Variants in TTC29 observed in about 807,000 individuals in gnomAD.
The protein encoded by TTC29 is tetratricopeptide repeat protein 29.
Under a neutral mutation model 58.1 loss-of-function variants are expected in TTC29, and 49 were observed. That is an observed-to-expected ratio of 0.84 (90% CI 0.67 to 1.07). TTC29 has a LOEUF of 1.07. Among genes scored for constraint, TTC29 ranks in the 50% least tolerant of loss-of-function variants. TTC29 has a pLI of 0.00. For missense variants in TTC29, 582 were observed against 555.6 expected (o/e 1.05, Z -0.48); for synonymous variants, 209 against 196.8 (o/e 1.06, Z -0.52).
At chr4:146,912,136 C>A (rs1299271272) in intron 4 of TTC29, among the ~76,000 whole-genome samples, 1 of 152,106 alleles carries the variant, frequency 6.6e-6, no homozygotes. Flanking sequence ...ATCTCATAGC[C>A]TTTTTAAGAA....
intron 8 of TTC29, among the ~76,000 whole-genome samples, chr4:146,838,132 C>T (rs961212922): frequency 1.3e-5 from 2 of 151,774 alleles, no homozygotes; most frequent in African/African-American, 4.8e-5. Context: ...ATCTTCTTAC[C>T]AAAATGAAAT....
chr4:146,897,726 C>T (rs1195314093), intron 6 of TTC29, among the ~76,000 whole-genome samples: 2 of 152,250 alleles, frequency 1.3e-5, no homozygotes, highest in African/African-American at 4.8e-5. Flanking sequence ...AGCAATGCTG[C>T]TCCCAGTTGG....
At chr4:146,863,504 T>G (rs932488404) in intron 8 of TTC29, among the ~76,000 whole-genome samples, 1 of 152,210 alleles carries the variant, frequency 6.6e-6, no homozygotes, top group Non-Finnish European at 1.5e-5. Flanking sequence ...ATAGGATAGA[T>G]GCAAAATCTC....
intron 6 of TTC29, among the ~76,000 whole-genome samples, chr4:146,879,057 C>A (rs1731454939): frequency 6.6e-6 from 1 of 152,082 alleles, no homozygotes; most frequent in South Asian, 2.1e-4. Flanking sequence ...AAGCAGTTTT[C>A]CAGTCCTTCT....
chr4:146,757,083 AT>A (rs1329992892), intron 11 of TTC29, among the ~76,000 whole-genome samples: 1 of 151,916 alleles, frequency 6.6e-6, no homozygotes. Flanking sequence ...AACTGGTGCA[AT>A]TTTGGGGGGT....
intron 4 of TTC29, among the ~76,000 whole-genome samples, chr4:146,925,456 C>CAGATAG (rs1734867748): frequency 6.6e-6 from 1 of 151,878 alleles, no homozygotes; most frequent in Non-Finnish European, 1.5e-5. Flanking sequence ...TCATTTTTTT[C>CAGATAG]CATAGTAATA....
intron 11 of TTC29, among the ~76,000 whole-genome samples, chr4:146,773,949 A>G (rs1212549057): frequency 1.3e-5 from 2 of 151,778 alleles, no homozygotes; most frequent in East Asian, 1.9e-4. Context: ...CATTGATTCA[A>G]TTTCTTCCTG....
At chr4:146,900,640 T>C (rs1733080716) in intron 6 of TTC29, among the ~76,000 whole-genome samples, 1 of 152,194 alleles carries the variant, frequency 6.6e-6, no homozygotes, top group Admixed American at 6.5e-5. Flanking sequence ...GAGCAATGTA[T>C]AAATCCTCCA....
intron 10 of TTC29, among the ~76,000 whole-genome samples, 153 bp from the exon 11 acceptor site, chr4:146,803,838 A>G (rs1206386640): frequency 6.6e-6 from 1 of 152,190 alleles, no homozygotes; most frequent in Non-Finnish European, 1.5e-5. Flanking sequence ...GGCTATTAGG[A>G]TAAGTTTCTT....
intron 11 of TTC29, among the ~76,000 whole-genome samples, chr4:146,715,082 T>C (rs933176513): frequency 6.6e-6 from 1 of 152,022 alleles, no homozygotes; most frequent in Non-Finnish European, 1.5e-5. Flanking sequence ...AAGCAATCCT[T>C]CTGTCTTGGT....
chr4:146,801,757 A>C (rs941456866), intron 11 of TTC29, among the ~76,000 whole-genome samples: 1 of 152,000 alleles, frequency 6.6e-6, no homozygotes, highest in African/African-American at 2.4e-5. Context: ...TGGGTAGATC[A>C]TGCGATCAGG....
chr4:146,908,944 T>A, intron 5 of TTC29, 82 bp downstream of exon 5: 2 of 1,180,222 alleles, frequency 1.7e-6, no homozygotes, highest in Non-Finnish European at 2.5e-6. Flanking sequence ...TTCAAATTCA[T>A]ACATGAAACA....
rs1698363554 is a variant in TTC29 at position 146,734,495 on chromosome 4, A to G, written c.1331-26944T>C. Among the ~76,000 whole-genome samples the G allele has an allele frequency of 3.3e-5, 5 of 152,280 alleles. No individual in the cohort carries two copies. The South Asian group carries it at 1.0e-3, about 32-fold the overall frequency. ...ATTAACTAAACCTAAAGAGGGAGTC[A>G]GGGGAACCCCAACTTGAAACTGGTC... On this transcript the variant is annotated intron_variant, in intron 11 of 12. Transcript: ENST00000325106.
intron 9 of TTC29, chr4:146,831,903 C>T (rs1048387852): frequency 5.1e-6 from 1 of 196,328 alleles, no homozygotes; most frequent in African/African-American, 2.3e-5. Flanking sequence ...ATAAATTTTC[C>T]CCTTGAAGTT....
chr4:146,870,798 T>C (rs1309326132), intron 7 of TTC29, among the ~76,000 whole-genome samples: 1 of 151,752 alleles, frequency 6.6e-6, no homozygotes, highest in Non-Finnish European at 1.5e-5. Flanking sequence ...CAAGAAGAAA[T>C]AAAAACTCTG....
chr4:146,761,028 T>C (rs1356979857), intron 11 of TTC29, among the ~76,000 whole-genome samples: 1 of 151,708 alleles, frequency 6.6e-6, no homozygotes, highest in Non-Finnish European at 1.5e-5. Context: ...CTCACTGATA[T>C]GTGGGAGCTA....
At chr4:146,737,542 C>T (rs778476360) in intron 11 of TTC29, among the ~76,000 whole-genome samples, 13 of 133,020 alleles carry the variant, frequency 9.8e-5, no homozygotes, top group East Asian at 2.2e-4. Flanking sequence ...ATTATCTGGT[C>T]GGAAGGCCCT....
chr4:146,841,466 A>C (rs146256447), intron 8 of TTC29, among the ~76,000 whole-genome samples: 7 of 151,948 alleles, frequency 4.6e-5, no homozygotes, highest in Admixed American at 3.3e-4. Flanking sequence ...ACAAACAAGC[A>C]AAAAAAACAC....
chr4:146,715,125 A>C (rs1206530875), intron 11 of TTC29, among the ~76,000 whole-genome samples: 1 of 150,860 alleles, frequency 6.6e-6, no homozygotes, highest in East Asian at 1.9e-4. Flanking sequence ...GGCATGAGCT[A>C]ACATGCCTGG....
Sources: gnomAD v4.1 joint callset for allele counts (sites outside exome capture counted in the v4.1 genomes callset) on GRCh38, gnomAD v4.1.1 for gene constraint, MANE v1.5 for transcripts, NCBI Gene and HGNC (gene_info 2026-07-23, HGNC 2026-07-21) for gene names.